Variants in TAFA2 observed in about 807,000 individuals in gnomAD.
TAFA2 encodes TAFA chemokine like family member 2.
TAFA2 carries 7 observed loss-of-function variants against 18.8 expected under a neutral mutation model. The ratio of observed to expected loss-of-function variants is 0.37; its 90% CI spans 0.21 to 0.70. The LOEUF is 0.70. Among genes scored for constraint, TAFA2 ranks in the 30% least tolerant of loss-of-function variants. TAFA2 has a pLI of 0.53. For synonymous variants in TAFA2, 60 were observed against 54.2 expected (o/e 1.11, Z -0.47); for missense variants, 122 against 158.1 (o/e 0.77, Z 1.23).
chr12:62,065,387 A>G (rs1433997323), intron 1 of TAFA2, among the ~76,000 whole-genome samples: 2 of 152,046 alleles, frequency 1.3e-5, no homozygotes, highest in African/African-American at 2.4e-5. Flanking sequence ...ATTGCAGACT[A>G]GGATTCTGTG....
intron 1 of TAFA2, among the ~76,000 whole-genome samples, chr12:61,927,540 T>A (rs761246384): frequency 2.6e-5 from 4 of 152,212 alleles, no homozygotes; most frequent in Non-Finnish European, 5.9e-5. Context: ...AAACATTCCA[T>A]GCTCATGGAT....
At chr12:62,221,253 G>A (rs2062761372) in intron 1 of TAFA2, among the ~76,000 whole-genome samples, 1 of 150,144 alleles carries the variant, frequency 6.7e-6, no homozygotes, top group Non-Finnish European at 1.5e-5. Context: ...AAGGAAGGAA[G>A]GAAGGAAGGA....
chr12:62,111,111 C>T (rs186769833), intron 1 of TAFA2, among the ~76,000 whole-genome samples: 28 of 152,066 alleles, frequency 1.8e-4, no homozygotes, highest in African/African-American at 5.3e-4. Context: ...CCACTTTCTC[C>T]TGTGGGCATT....
At chr12:61,743,398 G>C (rs1321707663) in intron 4 of TAFA2, among the ~76,000 whole-genome samples, 2 of 152,018 alleles carry the variant, frequency 1.3e-5, no homozygotes, top group African/African-American at 4.8e-5. Context: ...TAGTCACACA[G>C]AACAAATCTA....
intron 2 of TAFA2, chr12:61,776,222 C>A: frequency 5.2e-6 from 1 of 193,144 alleles, no homozygotes; most frequent in Non-Finnish European, 1.1e-5. Flanking sequence ...AGTTTAAGAG[C>A]TGAAATAGCT....
intron 1 of TAFA2, among the ~76,000 whole-genome samples, chr12:61,966,017 C>G (rs1029847888): frequency 1.3e-5 from 2 of 151,850 alleles, no homozygotes; most frequent in Admixed American, 6.6e-5. Context: ...AATAACATCG[C>G]TGTGAACGTG....
intron 2 of TAFA2, among the ~76,000 whole-genome samples, chr12:61,775,420 T>C (rs1324563134): frequency 6.6e-6 from 1 of 151,786 alleles, no homozygotes; most frequent in South Asian, 2.1e-4. Flanking sequence ...AACAGATGAA[T>C]AGATAAACTG....
At chr12:61,731,987 G>T (rs1489239421) in intron 4 of TAFA2, among the ~76,000 whole-genome samples, 1 of 152,062 alleles carries the variant, frequency 6.6e-6, no homozygotes, top group Non-Finnish European at 1.5e-5. Context: ...TATCTACAGA[G>T]GCAGGCAAAC....
chr12:62,134,568 T>C (rs529318747), intron 1 of TAFA2, among the ~76,000 whole-genome samples: 1 of 152,140 alleles, frequency 6.6e-6, no homozygotes, highest in African/African-American at 2.4e-5. Context: ...AGTAGTTTGT[T>C]AGCCCAAGCT....
At chr12:61,877,384 G>T (rs990487476) in intron 1 of TAFA2, among the ~76,000 whole-genome samples, 1 of 152,106 alleles carries the variant, frequency 6.6e-6, no homozygotes, top group African/African-American at 2.4e-5. Context: ...GTATTTTCCT[G>T]CAGTATGCAA....
chr12:62,184,603 C>T lies in TAFA2; in HGVS notation c.-2+6656G>A, dbSNP rs1246765631. Among the ~76,000 whole-genome samples the T allele has an allele frequency of 8.0e-5, 12 of 149,208 alleles. 1 individual carries two copies. In the South Asian group the frequency reaches 2.3e-3, roughly 29 times the overall value. ...TGACCTCCCAGGCTCAAGTGATCCT[C>T]CCCCCTCTCAGCCTCTCAAGTAGCT... On this transcript the variant is annotated intron_variant, in intron 1 of 4. Transcript: ENST00000416284.
intron 1 of TAFA2, among the ~76,000 whole-genome samples, chr12:61,989,205 A>G (rs560310437): frequency 1.4e-4 from 21 of 152,170 alleles, no homozygotes; most frequent in Non-Finnish European, 2.4e-4. Context: ...GTGCAGCAGC[A>G]TGGAATTCTA....
chr12:61,851,761 C>T (rs12818441), intron 2 of TAFA2, among the ~76,000 whole-genome samples: 32,616 of 96,286 alleles, frequency 0.34, 5,041 homozygotes, highest in Middle Eastern at 0.46. Context: ...GGCGACAGAG[C>T]GAGACTCCAT....
chr12:61,721,012 C>A, intron 4 of TAFA2: 1 of 482,466 alleles, frequency 2.1e-6, no homozygotes, highest in Admixed American at 2.2e-5. Flanking sequence ...TTACAACAAG[C>A]ATAAAGGGAC....
intron 1 of TAFA2, among the ~76,000 whole-genome samples, chr12:61,965,160 G>T (rs1879025374): frequency 6.6e-6 from 1 of 151,848 alleles, no homozygotes; most frequent in South Asian, 2.1e-4. Flanking sequence ...GAAGGTGGGG[G>T]CCTTTGAGAG....
intron 1 of TAFA2, chr12:62,252,570 C>T (rs1022080778): frequency 6.6e-6 from 1 of 152,170 alleles, no homozygotes; most frequent in Non-Finnish European, 1.5e-5. Context: ...ATTTGATTCC[C>T]ATATCCATAA....
intron 1 of TAFA2, among the ~76,000 whole-genome samples, chr12:61,993,035 T>C (rs1441195650): frequency 1.3e-5 from 2 of 152,166 alleles, no homozygotes; most frequent in Non-Finnish European, 2.9e-5. Context: ...AAGATTACAT[T>C]TCATGTCCAA....
chr12:62,163,092 G>C (rs191656125), intron 1 of TAFA2, among the ~76,000 whole-genome samples: 2 of 152,128 alleles, frequency 1.3e-5, no homozygotes, highest in East Asian at 3.9e-4. Context: ...GACAAAACCA[G>C]TAATGGAAGT....
intron 1 of TAFA2, among the ~76,000 whole-genome samples, chr12:62,159,563 C>T (rs192766708): frequency 6.6e-6 from 1 of 152,168 alleles, no homozygotes; most frequent in Non-Finnish European, 1.5e-5. Context: ...CAACAAGTCT[C>T]AGCTTTTAAA....
Sources: gnomAD v4.1 joint callset for allele counts (sites outside exome capture counted in the v4.1 genomes callset) on GRCh38, gnomAD v4.1.1 for gene constraint, MANE v1.5 for transcripts, NCBI Gene and HGNC (gene_info 2026-07-23, HGNC 2026-07-21) for gene names.